PLEKHA6: variants seen among roughly 807,000 people sequenced by gnomAD.
PLEKHA6 encodes the protein pleckstrin homology domain-containing family A member 6.
PLEKHA6 carries 60 observed loss-of-function variants against 116.7 expected under a neutral mutation model. The ratio of observed to expected loss-of-function variants is 0.51; its 90% confidence interval spans 0.42 to 0.64. The LOEUF (loss-of-function observed/expected upper bound fraction) is 0.64. Among genes scored for constraint, PLEKHA6 ranks in the 30% least tolerant of loss-of-function variants. The pLI is 0.00. For missense variants in PLEKHA6, 1,338 were observed against 1,422.7 expected (o/e 0.94, Z 0.96); for synonymous variants, 489 against 556.1 (o/e 0.88, Z 1.70).
At chr1:204,247,297 T>C in intron 13 of PLEKHA6, 68 bp downstream of exon 13, 1 of 945,914 alleles carries the variant, frequency 1.1e-6, no homozygotes, top group African/African-American at 1.6e-5. Flanking sequence ...CCTTTGCTTT[T>C]GTCTCGAGGC....
chr1:204,359,574 C>T, intron 1 of PLEKHA6, 120 bp downstream of exon 1: 1 of 981,950 alleles, frequency 1.0e-6, no homozygotes, highest in Non-Finnish European at 1.2e-6. Flanking sequence ...GATGGGGAAG[C>T]CAGTGCTCCG....
At position 204,351,388 on chromosome 1, in the gene PLEKHA6, G is replaced by A. The variant is rs528031788; in HGVS notation, c.-95+8306C>T. On this transcript the variant is annotated intron_variant, in intron 1 of 22. Coordinates refer to ENST00000272203, the MANE Select transcript of PLEKHA6 (RefSeq NM_014935.5). ...CCACCTTCTCTACAGAGTTCCGGTC[G>A]CCTCACCTCCAGGAAGGCTTCTCAG... Among the ~76,000 whole-genome samples, 8 of 152,222 alleles carry A rather than the reference G, an allele frequency of 5.3e-5. No homozygotes were observed. In the East Asian group the frequency reaches 5.8e-4, roughly 11 times the overall value.
intron 1 of PLEKHA6, among the ~76,000 whole-genome samples, chr1:204,325,393 G>C (rs1672206602): frequency 1.3e-5 from 2 of 152,224 alleles, no homozygotes; most frequent in Non-Finnish European, 2.9e-5. Context: ...AGGACTTTCA[G>C]TGCTCAAACC....
At chr1:204,236,597 G>A (rs546183754) in intron 17 of PLEKHA6, among the ~76,000 whole-genome samples, 42 of 152,270 alleles carry the variant, frequency 2.8e-4, no homozygotes, top group Non-Finnish European at 4.7e-4. Flanking sequence ...CAGGGTCCAA[G>A]TGGTGGCACT....
chr1:204,261,608 A>G lies in PLEKHA6; in HGVS notation c.382-160T>C, dbSNP rs1002377194. ...CATGCGGAGCTCAGGAGCAAGGTGAAGAGGGCAGCTTGCAGCTACCCCGAG... is the reference window on the plus strand; with the variant it reads ...CATGCGGAGCTCAGGAGCAAGGTGAGGAGGGCAGCTTGCAGCTACCCCGAG... On this transcript the variant is annotated intron_variant, in intron 6 of 22. Coordinates refer to ENST00000272203, the MANE Select transcript of PLEKHA6 (RefSeq NM_014935.5). This position sits in a 1 kb window ranked among gnomAD's most constrained non-coding sequence, Gnocchi z 4.0. 5.2e-6 allele frequency: 4 copies of G among 771,968 alleles called. No homozygotes were observed. The highest frequency in any genetic ancestry group is 3.9e-4 in the Middle Eastern group (1 of 2,578). The allele number at this position is 771,968 out of a possible 1,614,324, so 47.8% of individuals were successfully genotyped here.
chr1:204,255,766 C>T, intron 9 of PLEKHA6: 1 of 692,040 alleles, frequency 1.4e-6, no homozygotes, highest in South Asian at 1.5e-5. Context: ...AGAAGCAAAG[C>T]AGTTAAGAGT....
At chr1:204,266,107 C>T (rs925786746) in intron 5 of PLEKHA6, among the ~76,000 whole-genome samples, 5 of 152,032 alleles carry the variant, frequency 3.3e-5, no homozygotes, top group Admixed American at 1.3e-4. Context: ...CCCTGCTTCT[C>T]CTCCTACTCA....
At chr1:204,375,998 T>C (rs1222073692) in intron 1 of PLEKHA6, among the ~76,000 whole-genome samples, 1 of 151,670 alleles carries the variant, frequency 6.6e-6, no homozygotes, top group African/African-American at 2.4e-5. Flanking sequence ...TGGAGAGCAT[T>C]AGTTCTTTCC....
chr1:204,235,637 T>C (rs1007033859), intron 17 of PLEKHA6, among the ~76,000 whole-genome samples: 2 of 152,110 alleles, frequency 1.3e-5, no homozygotes, highest in African/African-American at 4.8e-5. Flanking sequence ...AGGGCATTGA[T>C]TGGAAAAGAA....
At chr1:204,326,036 G>A (rs79027286) in intron 1 of PLEKHA6, 15,273 of 294,284 alleles carry the variant, frequency 0.052, 489 homozygotes, top group Non-Finnish European at 0.063. Flanking sequence ...CCAGCACAGG[G>A]AGCCATGCTT....
intron 17 of PLEKHA6, among the ~76,000 whole-genome samples, chr1:204,233,239 A>G (rs1661457283): frequency 6.9e-6 from 1 of 144,066 alleles, no homozygotes; most frequent in Non-Finnish European, 1.5e-5. Flanking sequence ...CAGTGGCATG[A>G]CCACAGTTCA....
intron 21 of PLEKHA6, among the ~76,000 whole-genome samples, chr1:204,226,307 C>T (rs1359336123): frequency 2.0e-5 from 3 of 152,238 alleles, no homozygotes; most frequent in Middle Eastern, 3.4e-3. Context: ...GCACACAGAC[C>T]CTGACATGTA....
intron 1 of PLEKHA6, among the ~76,000 whole-genome samples, chr1:204,341,777 C>A (rs990252077): frequency 2.0e-5 from 3 of 152,250 alleles, no homozygotes; most frequent in Non-Finnish European, 4.4e-5. Context: ...AAACATAAAA[C>A]CAAACATTTA....
At chr1:204,374,506 A>G (rs1673831959) in intron 1 of PLEKHA6, among the ~76,000 whole-genome samples, 1 of 152,074 alleles carries the variant, frequency 6.6e-6, no homozygotes, top group Admixed American at 6.5e-5. Context: ...ACTTACCCAG[A>G]TTCTCACCCA....
At chr1:204,286,952 T>G (rs1461826636) in intron 1 of PLEKHA6, among the ~76,000 whole-genome samples, 1 of 152,188 alleles carries the variant, frequency 6.6e-6, no homozygotes, top group African/African-American at 2.4e-5. Flanking sequence ...GGTTTCTGTT[T>G]GCCCATGGGC....
rs765958503 is a variant in PLEKHA6 at position 204,257,737 on chromosome 1, A to G, written c.1140T>C (p.Tyr380=). The stretch of plus-strand genomic sequence containing the variant: ...GGGCCCAGGGCGGGCTGATCCGATC[A>G]TAGGCCGGCATGGAACAGATGCTCT... ...RPESICSMPA[Y]DRISPPWALE... The change falls in exon 9 of 23, where the codon TAT becomes TAC. Residue 380 remains tyrosine, a synonymous_variant. Coordinates refer to ENST00000272203, the MANE Select transcript of PLEKHA6 (RefSeq NM_014935.5). This position sits in a 1 kb window ranked among gnomAD's most constrained non-coding sequence, Gnocchi z 6.5. The G allele has an allele frequency of 1.2e-6, 2 of 1,613,538 alleles. No individual in the cohort carries two copies. Among genetic ancestry groups the G allele is most frequent in the South Asian group, 1.1e-5 (1 of 90,922 alleles).
intron 17 of PLEKHA6, among the ~76,000 whole-genome samples, chr1:204,236,807 A>G (rs1025438587): frequency 6.6e-6 from 1 of 152,180 alleles, no homozygotes; most frequent in Non-Finnish European, 1.5e-5. Flanking sequence ...TGGGCAAAAG[A>G]CTAATTTGAA....
Position 204,268,321 on chromosome 1 carries a change from A to G in PLEKHA6, c.103-9T>C. ...CGGGCTGTGCGAGTTGCCTGGGGGC[A>G]GAGAGAGAAGCTGATCTAGGTCCCC... On this transcript the variant is annotated splice_polypyrimidine_tract_variant and intron_variant, in intron 3 of 22. Coordinates refer to ENST00000272203, the MANE Select transcript of PLEKHA6 (RefSeq NM_014935.5). The G allele has an allele frequency of 6.3e-7, 1 of 1,591,588 alleles. No homozygotes were observed. The highest frequency in any genetic ancestry group is 8.6e-7 in the Non-Finnish European group (1 of 1,165,508).
chr1:204,268,132 C>A, intron 4 of PLEKHA6, 76 bp downstream of exon 4: 1 of 910,686 alleles, frequency 1.1e-6, no homozygotes, highest in South Asian at 1.7e-5. Context: ...CACAGCCTGT[C>A]ATAAGCACAG....
Sources: allele counts gnomAD v4.1 joint callset (sites outside exome capture counted in the v4.1 genomes callset), GRCh38; gene constraint gnomAD v4.1.1; non-coding constraint Gnocchi (gnomAD v3.1); transcripts MANE v1.5; gene names NCBI Gene and HGNC (gene_info 2026-07-23, HGNC 2026-07-21).